Variants in VWF observed in about 807,000 individuals in gnomAD.
The protein encoded by VWF is Factor VIII related antigen.
In VWF, 176 loss-of-function variants were observed where a neutral mutation model predicts 308.6. The ratio of observed to expected loss-of-function variants is 0.57; its 90% CI spans 0.50 to 0.65. The LOEUF (loss-of-function observed/expected upper bound fraction) is 0.65. VWF is among the 30% of genes least tolerant of loss of function. The probability of loss-of-function intolerance (pLI) is 0.00; values close to 1 mark genes in which losing one functional copy is unlikely to be tolerated. For synonymous variants in VWF, 1,385 were observed against 1,443.4 expected, an observed-to-expected ratio of 0.96 and a Z score of 0.92; for missense variants, 3,146 against 3,648.2, an observed-to-expected ratio of 0.86 and a Z score of 3.55.
At chr12:6,081,241 C>A (rs1370434048) in intron 6 of VWF, among the ~76,000 whole-genome samples, 1 of 152,218 alleles carries the variant, frequency 6.6e-6, no homozygotes, top group Non-Finnish European at 1.5e-5. Context: ...CCAAAGAACA[C>A]AGCTCTCCTC....
In VWF at chr12:6,103,503, C is replaced by CGTGTGT. The variant is rs374509927; in HGVS notation, c.532+6870_532+6871insACACAC. ...ATATACATATATGTGTATACACACA[C>CGTGTGT]GTATATATATACACACATATGTGTA... On this transcript the variant is annotated intron_variant, in intron 5 of 51. Coordinates refer to ENST00000261405, the MANE Select transcript of VWF (RefSeq NM_000552.5). Among the ~76,000 whole-genome samples the CGTGTGT allele has an allele frequency of 1.8e-3, 213 of 121,350 alleles. 29 individuals are homozygous for CGTGTGT. Among genetic ancestry groups the CGTGTGT allele is most frequent in the African/African-American group, 7.6e-3 (182 of 23,928 alleles). 79.6% of individuals were successfully genotyped at this position (121,350 alleles called of 152,430 possible).
At chr12:5,962,978 C>A (rs907281076) in intron 47 of VWF, among the ~76,000 whole-genome samples, 1 of 152,186 alleles carries the variant, frequency 6.6e-6, no homozygotes, top group African/African-American at 2.4e-5. Flanking sequence ...AAAATTTATT[C>A]CTCATGGATC....
rs774051063 is a variant in VWF, at chr12:5,985,571, G to A, written c.6893C>T (p.Thr2298Met). ...GAGGGGAGGACTCTCACCTTTGGCC[G>A]TGGGGCAGGGCTGCGTTGTGCAGTT... ...KVNCTTQPCP[T>M]AKAPTCGLCE... The change falls in exon 39 of 52, where the codon ACG becomes ATG. Residue 2298 changes from threonine to methionine, a missense_variant. Coordinates refer to ENST00000261405, the MANE Select transcript of VWF (RefSeq NM_000552.5). The A allele has an allele frequency of 1.2e-4, 195 of 1,613,808 alleles. No individual in the cohort carries two copies. The highest frequency in any genetic ancestry group is 1.5e-4 in the Non-Finnish European group (178 of 1,180,012).
At chr12:6,122,269 T>C (rs1286637350) in intron 2 of VWF, among the ~76,000 whole-genome samples, 1 of 152,218 alleles carries the variant, frequency 6.6e-6, no homozygotes, top group African/African-American at 2.4e-5. Context: ...TGTTTTAATA[T>C]TATAGATAGA....
At chr12:5,964,079 T>C (rs2136349698) in intron 47 of VWF, among the ~76,000 whole-genome samples, 1 of 152,118 alleles carries the variant, frequency 6.6e-6, no homozygotes, top group East Asian at 1.9e-4. Context: ...TAGCTGGGCA[T>C]GGCGGTGGGC....
chr12:6,055,457 C>G (rs73036506), intron 15 of VWF, among the ~76,000 whole-genome samples: 33,864 of 151,996 alleles, frequency 0.22, 4,144 homozygotes, highest in African/African-American at 0.31. Context: ...CAGTAAGGAC[C>G]CAGACCCAGT....
chr12:5,991,882 T>G lies in VWF; in HGVS notation c.6735A>C (p.Glu2245Asp). ...CFCPPDKVML[E>D]GSCVPEEACT... ...AGGCCTCTTCAGGGACACAGCTGCC[T>G]TCCAACATGACTTTATCTGGAGGGC... Residue 2245 changes from glutamate (E) to aspartate (D), a missense_variant, in exon 38 of 52, where the codon GAA becomes GAC. Glu to Asp is a conservative substitution (Grantham distance 45). Transcript: ENST00000261405. 1.2e-6 allele frequency: 2 copies of G among 1,614,226 alleles called. No individual in the cohort carries two copies. Among genetic ancestry groups the G allele is most frequent in the South Asian group, 2.2e-5 (2 of 91,084 alleles).
intron 42 of VWF, 23 bp downstream of exon 42, chr12:5,981,763 G>A: frequency 6.2e-7 from 1 of 1,611,640 alleles, no homozygotes; most frequent in Non-Finnish European, 8.5e-7. Flanking sequence ...TTAACTGATA[G>A]TTAATAGCCA....
intron 44 of VWF, among the ~76,000 whole-genome samples, chr12:5,971,316 C>T (rs1476660436): frequency 6.6e-6 from 1 of 152,224 alleles, no homozygotes; most frequent in East Asian, 1.9e-4. Flanking sequence ...AAACCAGCCC[C>T]TCAGCCACAG....
rs750614443 is a variant in VWF, at chr12:5,953,565, T to C, written c.7917A>G (p.Glu2639=). The C allele has an allele frequency of 6.2e-7, 1 of 1,614,188 alleles. No individual in the cohort carries two copies. The highest frequency in any genetic ancestry group is 8.5e-7 in the Non-Finnish European group (1 of 1,180,020). Residue 2639 remains glutamate, a synonymous_variant, in exon 48 of 52, where the codon GAA becomes GAG. Transcript: ENST00000261405. ...CCGTAGGCAAACATCTCCCACAACA[T>C]TCACCTGTGTTATTTTCTTCCTTGT... is the stretch of plus-strand genomic sequence containing the variant. ...LGYKEENNTG[E]CCGRCLPTAC...
intron 34 of VWF, among the ~76,000 whole-genome samples, chr12:6,006,194 A>G (rs1260232274): frequency 6.6e-6 from 1 of 152,234 alleles, no homozygotes; most frequent in Non-Finnish European, 1.5e-5. Flanking sequence ...GACTGTTATA[A>G]GTATAGGCTG....
At chr12:6,103,660 G>C (rs1400537375) in intron 5 of VWF, among the ~76,000 whole-genome samples, 1 of 150,916 alleles carries the variant, frequency 6.6e-6, no homozygotes. Flanking sequence ...TATATACTAG[G>C]GAAAGGACAC....
chr12:6,075,140 T>C lies in VWF; in HGVS notation c.874+195A>G, dbSNP rs1371298550. On this transcript the variant is annotated intron_variant, in intron 7 of 51. Transcript: ENST00000261405. The surrounding 1 kb of genome is among the most constrained non-coding windows in gnomAD (Gnocchi z 4.7). Reference sequence around the variant, plus strand: ...CGGAGGCAGGGGCAGGACACGGGGCTTTGGGAAGCCCGTTTGACAGAGGGC... The same window carrying C: ...CGGAGGCAGGGGCAGGACACGGGGCCTTGGGAAGCCCGTTTGACAGAGGGC... Among the ~76,000 whole-genome samples the C allele has an allele frequency of 6.6e-6, 1 of 151,888 alleles. No homozygotes were observed. Among genetic ancestry groups the C allele is most frequent in the Non-Finnish European group, 1.5e-5 (1 of 67,974 alleles).
At position 6,075,723 on chromosome 12, in the gene VWF, T is replaced by C. The variant is rs767711489; in HGVS notation, c.658-172A>G. Among the ~76,000 whole-genome samples the C allele has an allele frequency of 4.6e-5, 7 of 152,214 alleles. No individual in the cohort carries two copies. Among genetic ancestry groups the C allele is most frequent in the Non-Finnish European group, 8.8e-5 (6 of 68,038 alleles). ...ACCAGCCCATCGACCAAGGAAAAGA[T>C]GCTGGACCCGTGCAATGTGAAGTAG... On this transcript the variant is annotated intron_variant, in intron 6 of 51. Coordinates refer to ENST00000261405, the MANE Select transcript of VWF (RefSeq NM_000552.5). This position sits in a 1 kb window ranked among gnomAD's most constrained non-coding sequence, Gnocchi z 4.7.
chr12:5,959,042 T>G (rs1943281756), intron 47 of VWF, among the ~76,000 whole-genome samples: 1 of 151,428 alleles, frequency 6.6e-6, no homozygotes. Flanking sequence ...ATAGCAAAAC[T>G]CCATCTCCAC....
At chr12:5,981,201 A>G (rs1943600952) in intron 42 of VWF, among the ~76,000 whole-genome samples, 1 of 152,168 alleles carries the variant, frequency 6.6e-6, no homozygotes. Flanking sequence ...GGATAGATGG[A>G]TAAACTGACA....
In VWF at chr12:6,092,336, T is replaced by C. The variant is rs541334956; in HGVS notation, c.657+3124A>G. On this transcript the variant is annotated intron_variant, in intron 6 of 51. Transcript: ENST00000261405. ...TGGCCCAGCAGGGACTCCCTTCCCT[T>C]TTTGCGGGTTTTTTTTTTTCTTTTG... 9.2e-5 allele frequency among the ~76,000 whole-genome samples: 14 copies of C among 151,622 alleles called. No individual in the cohort carries two copies. In the East Asian group the frequency reaches 2.7e-3, roughly 29 times the overall value.
chr12:6,069,010 C>G (rs1944753928), intron 10 of VWF, among the ~76,000 whole-genome samples: 1 of 151,908 alleles, frequency 6.6e-6, no homozygotes, highest in African/African-American at 2.4e-5. Flanking sequence ...GCACACACCA[C>G]TATGCCTGGC....
intron 48 of VWF, 73 bp from the exon 49 acceptor site, chr12:5,952,592 G>C: frequency 1.3e-6 from 2 of 1,575,136 alleles, no homozygotes; most frequent in Non-Finnish European, 1.7e-6. Flanking sequence ...CCATGAGCTT[G>C]ACTCCATGGA....
Sources: gnomAD v4.1 joint callset for allele counts (sites outside exome capture counted in the v4.1 genomes callset) on GRCh38, gnomAD v4.1.1 for gene constraint, Gnocchi (gnomAD v3.1) non-coding constraint, MANE v1.5 for transcripts, NCBI Gene and HGNC (gene_info 2026-07-23, HGNC 2026-07-21) for gene names.